URB1: variants seen among roughly 807,000 people sequenced by gnomAD.
URB1 encodes the protein URB1 ribosome biogenesis factor.
Under a neutral mutation model 242.3 loss-of-function variants are expected in URB1, and 197 were observed. The observed-to-expected ratio is 0.81, with a 90% CI of 0.72 to 0.91. The LOEUF (loss-of-function observed/expected upper bound fraction) is 0.91, where lower values mean the gene tolerates loss of function less well. Ranked by LOEUF, URB1 falls within the 40% of genes least tolerant of loss-of-function variation. The pLI, the probability that URB1 is intolerant of heterozygous loss-of-function variation, is 0.00. For missense variants in URB1, 2,721 were observed against 2,860.5 expected (o/e 0.95, Z 1.11); for synonymous variants, 1,153 against 1,201.8 (o/e 0.96, Z 0.84).
At chr21:32,388,644 C>T (rs890893624) in intron 1 of URB1, among the ~76,000 whole-genome samples, 2 of 152,188 alleles carry the variant, frequency 1.3e-5, no homozygotes, top group African/African-American at 4.8e-5. Context: ...GGAGCTCAGT[C>T]GGCACAGGCA....
At chr21:32,384,524 T>C (rs1426936050) in intron 2 of URB1, 60 bp from the exon 3 acceptor site, 8 of 1,516,454 alleles carry the variant, frequency 5.3e-6, no homozygotes, top group Middle Eastern at 1.7e-4. Flanking sequence ...CCTGTACATA[T>C]ATGCTCCTTT....
chr21:32,385,408 T>C, intron 2 of URB1, 137 bp downstream of exon 2: 2 of 1,291,952 alleles, frequency 1.5e-6, no homozygotes, highest in Non-Finnish European at 2.0e-6. Flanking sequence ...AATGAATACA[T>C]TCCTACAGCA....
At position 32,378,526 on chromosome 21, in the gene URB1, G is replaced by T; in HGVS notation, c.583C>A (p.Arg195=). Residue 195 remains arginine, a synonymous_variant, in exon 5 of 39, where the codon CGG becomes AGG. Coordinates refer to ENST00000382751, the MANE Select transcript of URB1 (RefSeq NM_014825.3). ...AGAGCAAACTGAACGTAGGCCTGCC[G>T]AACGTCGTACACTCCCTAGAGGACA... ...KRDSKGVYDV[R]QAYVQFALSF... 1 of 1,551,528 alleles carries T rather than the reference G, an allele frequency of 6.4e-7. No individual in the cohort carries two copies. The highest frequency in any genetic ancestry group is 2.4e-5 in the East Asian group (1 of 40,918).
At position 32,336,758 on chromosome 21, in the gene URB1, A is replaced by G. The variant is rs547029156; in HGVS notation, c.4685+336T>C. Among the ~76,000 whole-genome samples, 7 of 152,352 alleles carry G rather than the reference A, an allele frequency of 4.6e-5. No homozygotes were observed. The South Asian group carries it at 1.0e-3, about 23-fold the overall frequency. On this transcript the variant is annotated intron_variant, in intron 28 of 38. Transcript: ENST00000382751. ...CTTCCCCTGAAATCCCTATGGCATA[A>G]GTCAATCTACCTAAAGGCATGAGCA... is the stretch of plus-strand genomic sequence containing the variant.
In URB1 at chr21:32,315,067, T is replaced by G; in HGVS notation, c.6667A>C (p.Lys2223Gln). ...SAAFLVSLYI[K>Q]DIWLGAQRPD... is the part of the protein sequence containing the mutation. Reference sequence around the variant, plus strand: ...CGCTGAGCCCCCAGCCAGATGTCCTTTATGTAGAGAGACACTAGGAATGCT... The same window carrying G: ...CGCTGAGCCCCCAGCCAGATGTCCTGTATGTAGAGAGACACTAGGAATGCT... The change falls in exon 39 of 39, where the codon AAG becomes CAG. Residue 2223 changes from lysine to glutamine, a missense_variant. Lys to Gln is a moderately conservative substitution (Grantham distance 53). Coordinates refer to ENST00000382751, the MANE Select transcript of URB1 (RefSeq NM_014825.3). The G allele has an allele frequency of 2.6e-6, 4 of 1,545,136 alleles. No homozygotes were observed. Among genetic ancestry groups the G allele is most frequent in the Non-Finnish European group, 3.5e-6 (4 of 1,142,444 alleles).
At chr21:32,317,537 G>T in intron 37 of URB1, 139 bp downstream of exon 37, 1 of 1,316,914 alleles carries the variant, frequency 7.6e-7, no homozygotes, top group Non-Finnish European at 1.0e-6. Context: ...CCCATCCAGG[G>T]CTCCAAGATG....
intron 13 of URB1, among the ~76,000 whole-genome samples, chr21:32,360,645 A>C (rs2033272547): frequency 6.6e-6 from 1 of 152,286 alleles, no homozygotes; most frequent in Admixed American, 6.5e-5. Context: ...TCTCTGCATA[A>C]ACAGGATGTC....
chr21:32,325,357 A>C lies in URB1; in HGVS notation c.4993T>G (p.Ser1665Ala). The change falls in exon 31 of 39, where the codon TCA becomes GCA. Residue 1665 changes from serine to alanine, a missense_variant. Coordinates refer to ENST00000382751, the MANE Select transcript of URB1 (RefSeq NM_014825.3). ...FVVDCRKFLD[S>A]NALGLTVTAL... ...GTGACAGTTAGGCCCAGAGCATTTG[A>C]ATCCAAAAATTTTCGACAATCCACC... 1 of 1,551,060 alleles carries C rather than the reference A, an allele frequency of 6.4e-7. No homozygotes were observed. Among genetic ancestry groups the C allele is most frequent in the Non-Finnish European group, 8.7e-7 (1 of 1,146,450 alleles).
intron 25 of URB1, among the ~76,000 whole-genome samples, chr21:32,339,399 T>C (rs2033001686): frequency 6.6e-6 from 1 of 152,040 alleles, no homozygotes. Context: ...GACACGGCAC[T>C]GCATAGCTCT....
Position 32,350,715 on chromosome 21 carries a change from TCTCCACAGTG to T in URB1, c.2811_2820del (p.Ser937ArgfsTer102). The stretch of plus-strand genomic sequence containing the variant: ...GGGGCAACGCTGACCTGGCCGAAGT[TCTCCACAGTG>T]CTCCGCAGGTAGAGCAACACCTGCT... On this transcript the variant is annotated frameshift_variant, in exon 20 of 39. Transcript: ENST00000382751. LOFTEE classifies it high-confidence loss of function. The T allele has an allele frequency of 1.9e-6, 3 of 1,551,240 alleles. No homozygotes were observed. Among genetic ancestry groups the T allele is most frequent in the Non-Finnish European group, 2.6e-6 (3 of 1,146,858 alleles).
rs1462982173 is a variant in URB1, at chr21:32,319,240, G to A, written c.5769C>T (p.Leu1923=). ...ACCTCAGGTGCTTCATGAGCACGAT[G>A]AGAACATAAAGGAACTCATTGACCA... ...LHLVNEFLYV[L]IVLMKHLRPT... is the part of the protein sequence containing the mutation. Residue 1923 remains leucine (L), a synonymous_variant, in exon 36 of 39, where the codon CTC becomes CTT. Coordinates refer to ENST00000382751, the MANE Select transcript of URB1 (RefSeq NM_014825.3). The A allele has an allele frequency of 2.6e-6, 4 of 1,550,528 alleles. No homozygotes were observed. The highest frequency in any genetic ancestry group is 2.0e-5 in the Admixed American group (1 of 50,794).
At chr21:32,318,656 T>C (rs1408309936) in intron 36 of URB1, among the ~76,000 whole-genome samples, 1 of 152,162 alleles carries the variant, frequency 6.6e-6, no homozygotes, top group Non-Finnish European at 1.5e-5. Flanking sequence ...AAATAATGAG[T>C]GTACACAGTG....
intron 32 of URB1, among the ~76,000 whole-genome samples, chr21:32,324,042 T>C (rs2032798076): frequency 6.6e-6 from 1 of 152,158 alleles, no homozygotes; most frequent in Admixed American, 6.5e-5. Flanking sequence ...CACCCCATCT[T>C]AGAGGAGGAA....
At chr21:32,375,739 G>A (rs1191240250) in intron 5 of URB1, among the ~76,000 whole-genome samples, 2 of 151,958 alleles carry the variant, frequency 1.3e-5, no homozygotes, top group African/African-American at 4.8e-5. Context: ...GAGGCCAGGA[G>A]TTCAAGACCA....
intron 25 of URB1, among the ~76,000 whole-genome samples, chr21:32,339,602 T>C (rs2033005171): frequency 6.6e-6 from 1 of 151,926 alleles, no homozygotes; most frequent in Non-Finnish European, 1.5e-5. Context: ...ACCATTCTCC[T>C]GCCTCAGCCT....
intron 24 of URB1, among the ~76,000 whole-genome samples, chr21:32,341,767 T>C (rs1037058375): frequency 6.6e-6 from 1 of 152,082 alleles, no homozygotes; most frequent in African/African-American, 2.4e-5. Flanking sequence ...TTTTTTTTAA[T>C]AGAATAGGCA....
Position 32,337,368 on chromosome 21 carries a change from C to A in URB1, c.4621+36G>T, listed in dbSNP as rs1396819873. 2.0e-6 allele frequency: 3 copies of A among 1,530,024 alleles called. No individual in the cohort carries two copies. The East Asian group carries it at 7.4e-5, about 38-fold the overall frequency. 94.8% of individuals were successfully genotyped at this position (1,530,024 alleles called of 1,614,324 possible). A position where few individuals can be genotyped will look rare whatever the true frequency, so the allele number is the denominator to read the frequency against. ...CTCACACCCCCGGCCCTCACTCCCT[C>A]CCCCTGCTCACACTACCCAGCCCTC... On this transcript the variant is annotated intron_variant, in intron 27 of 38. Transcript: ENST00000382751.
Position 32,314,819 on chromosome 21 carries a change from A to G in URB1, c.*99T>C. Reference sequence around the variant, plus strand: ...CAATGTACTGAACCTGTTGTTTCCCATGCCTTCTCTGGAAACCCTTGACTC... The same window carrying G: ...CAATGTACTGAACCTGTTGTTTCCCGTGCCTTCTCTGGAAACCCTTGACTC... On this transcript the variant is annotated 3_prime_UTR_variant, in exon 39 of 39. Transcript: ENST00000382751. The G allele has an allele frequency of 6.7e-7, 1 of 1,490,260 alleles. No homozygotes were observed. Among genetic ancestry groups the G allele is most frequent in the Non-Finnish European group, 9.0e-7 (1 of 1,108,010 alleles). The allele number at this position is 1,490,260 out of a possible 1,614,324, so 92.3% of individuals were successfully genotyped here.
rs2033104455 is a variant in URB1 at position 32,347,447 on chromosome 21, G to A, written c.3377C>T (p.Ala1126Val). ...GTGTGTCTCAGGCAGGCTCAGCAAG[G>A]CCAGGGTGACCTCACGGAGCTGGGC... ...EGAQLREVTL[A>V]LLSLPETHLV... is the part of the protein sequence containing the mutation. The change falls in exon 22 of 39, where the codon GCC (alanine) becomes GTC (valine). Residue 1126 changes from alanine to valine, a missense_variant. Transcript: ENST00000382751. 1 of 1,551,136 alleles carries A rather than the reference G, an allele frequency of 6.4e-7. No homozygotes were observed. The highest frequency in any genetic ancestry group is 8.7e-7 in the Non-Finnish European group (1 of 1,146,702).
Sources: gnomAD v4.1 joint callset for allele counts (sites outside exome capture counted in the v4.1 genomes callset) on GRCh38, gnomAD v4.1.1 for gene constraint, MANE v1.5 for transcripts, NCBI Gene and HGNC (gene_info 2026-07-23, HGNC 2026-07-21) for gene names.